The following GPATCH2 variants were observed in gnomAD, a reference collection of about 807,000 sequenced individuals.
GPATCH2 encodes G patch domain-containing protein 2.
GPATCH2 carries 51 observed loss-of-function variants against 58.0 expected under a neutral mutation model. The observed-to-expected ratio is 0.88, with a 90% CI of 0.70 to 1.11. The LOEUF is 1.11. Among genes scored for constraint, GPATCH2 ranks in the 50% most tolerant of loss-of-function variants. GPATCH2 has a pLI of 0.00. For missense variants in GPATCH2, 625 were observed against 652.2 expected, an observed-to-expected ratio of 0.96 and a Z score of 0.45; for synonymous variants, 222 against 218.5, an observed-to-expected ratio of 1.02 and a Z score of -0.14.
At position 217,449,306 on chromosome 1, in the gene GPATCH2, T is replaced by G. The variant is rs533976671; in HGVS notation, c.1309A>C (p.Thr437Pro). The G allele has an allele frequency of 1.2e-6, 2 of 1,608,362 alleles. No homozygotes were observed. Among genetic ancestry groups the G allele is most frequent in the Non-Finnish European group, 1.7e-6 (2 of 1,174,770 alleles). Residue 437 changes from threonine (T) to proline (P), a missense_variant, in exon 9 of 10, where the codon ACG becomes CCG. Physicochemically the swap from Thr to Pro is conservative, Grantham distance 38 (BLOSUM62 -1). Coordinates refer to ENST00000366935, the MANE Select transcript of GPATCH2 (RefSeq NM_018040.5). Reference protein sequence around the residue: ...QTSMHLGSLCTGDIKRRRKAA... With the variant: ...QTSMHLGSLCPGDIKRRRKAA... ...TTTCTTCTCCGTTTGATATCTCCCG[T>G]GCATAAGGATCCTAAATGCATGCTT...
intron 5 of GPATCH2, among the ~76,000 whole-genome samples, chr1:217,562,607 C>T (rs1269110856): frequency 6.6e-6 from 1 of 152,178 alleles, no homozygotes; most frequent in Admixed American, 6.5e-5. Flanking sequence ...TGTACATTTA[C>T]CAGTGGTCTA....
At position 217,610,345 on chromosome 1, in the gene GPATCH2, T is replaced by C; in HGVS notation, c.1074A>G (p.Lys358=). 6.2e-7 allele frequency: 1 copy of C among 1,600,264 alleles called. No individual in the cohort carries two copies. Among genetic ancestry groups the C allele is most frequent in the Non-Finnish European group, 8.6e-7 (1 of 1,168,090 alleles). ...CCATTGAAGTTGGAGTCCCTCCAGATTTTTTAATATTCTTTGAAGACATTC... is the reference window on the plus strand; with the variant it reads ...CCATTGAAGTTGGAGTCCCTCCAGACTTTTTAATATTCTTTGAAGACATTC... ...LHGMSSKNIK[K]SGGTPTSMVP... Residue 358 remains lysine (K), a synonymous_variant, in exon 5 of 10, where the codon AAA becomes AAG. Coordinates refer to ENST00000366935, the MANE Select transcript of GPATCH2 (RefSeq NM_018040.5).
At chr1:217,543,394 C>T (rs903754780) in intron 5 of GPATCH2, among the ~76,000 whole-genome samples, 5 of 151,774 alleles carry the variant, frequency 3.3e-5, no homozygotes, top group Non-Finnish European at 2.9e-5. Context: ...CTCAGCCTCC[C>T]GAGTAGCTGG....
At chr1:217,435,126 C>T (rs1244030388) in intron 9 of GPATCH2, among the ~76,000 whole-genome samples, 1 of 152,182 alleles carries the variant, frequency 6.6e-6, no homozygotes, top group Non-Finnish European at 1.5e-5. Flanking sequence ...ACAACTCAGC[C>T]TCAGCGCAGT....
intron 8 of GPATCH2, among the ~76,000 whole-genome samples, chr1:217,486,942 G>C (rs1661480390): frequency 1.3e-5 from 2 of 152,206 alleles, no homozygotes; most frequent in Non-Finnish European, 2.9e-5. Flanking sequence ...AAACAGCACT[G>C]TGAACTACTG....
rs557244080 is a variant in GPATCH2 at position 217,434,792 on chromosome 1, G to A, written c.1367-3427C>T. Among the ~76,000 whole-genome samples the A allele has an allele frequency of 4.6e-5, 7 of 152,192 alleles. No homozygotes were observed. In the South Asian group the frequency reaches 6.2e-4, roughly 14 times the overall value. The stretch of plus-strand genomic sequence containing the variant: ...TTGAAAAATGTTGGTATTTCAAGCA[G>A]GGTAGCCCAGGGGTGACCACCATAC... On this transcript the variant is annotated intron_variant, in intron 9 of 9. Transcript: ENST00000366935.
At chr1:217,565,991 C>A (rs979412184) in intron 5 of GPATCH2, among the ~76,000 whole-genome samples, 1 of 149,674 alleles carries the variant, frequency 6.7e-6, no homozygotes, top group African/African-American at 2.5e-5. Context: ...ATCCCAGCTA[C>A]TAGGGAGGCT....
intron 5 of GPATCH2, among the ~76,000 whole-genome samples, chr1:217,531,752 A>G (rs2102623791): frequency 6.6e-6 from 1 of 152,328 alleles, no homozygotes. Flanking sequence ...AAAATTGCTG[A>G]ATTATCTTCC....
intron 5 of GPATCH2, among the ~76,000 whole-genome samples, chr1:217,602,493 G>A (rs750105263): frequency 2.0e-5 from 3 of 152,098 alleles, no homozygotes; most frequent in Non-Finnish European, 2.9e-5. Context: ...GAGGGGAAAG[G>A]AATATAAGAA....
At chr1:217,535,201 T>C (rs967304602) in intron 5 of GPATCH2, among the ~76,000 whole-genome samples, 1 of 152,182 alleles carries the variant, frequency 6.6e-6, no homozygotes, top group South Asian at 2.1e-4. Context: ...CTGTTGCTGG[T>C]TTTTAGTTTC....
At chr1:217,444,357 G>A (rs1395641284) in intron 9 of GPATCH2, among the ~76,000 whole-genome samples, 1 of 152,178 alleles carries the variant, frequency 6.6e-6, no homozygotes, top group East Asian at 1.9e-4. Flanking sequence ...AGTAGTGTGA[G>A]TGAGTGTGGG....
intron 5 of GPATCH2, among the ~76,000 whole-genome samples, chr1:217,526,339 C>T (rs1048951977): frequency 2.0e-5 from 3 of 152,058 alleles, no homozygotes; most frequent in Non-Finnish European, 4.4e-5. Context: ...TTCAATCTTA[C>T]GTGATGCAGT....
chr1:217,568,913 T>C (rs1182163260), intron 5 of GPATCH2, among the ~76,000 whole-genome samples: 4 of 152,094 alleles, frequency 2.6e-5, no homozygotes, highest in Non-Finnish European at 4.4e-5. Flanking sequence ...AGAAAAGACA[T>C]GTAGTGGTGC....
rs550310776 is a variant in GPATCH2 at position 217,511,634 on chromosome 1, C to A, written c.1166+3188G>T. 1.5e-3 allele frequency among the ~76,000 whole-genome samples: 234 copies of A among 152,244 alleles called. 1 individual carries two copies. The highest frequency in any genetic ancestry group is 5.4e-3 in the South Asian group (26 of 4,820). Reference sequence around the variant, plus strand: ...GGAAGCATATAACTAAAACTCTCTGCCCAGAGTGGATACTGGCCATATACC... The same window carrying A: ...GGAAGCATATAACTAAAACTCTCTGACCAGAGTGGATACTGGCCATATACC... On this transcript the variant is annotated intron_variant, in intron 6 of 9. Transcript: ENST00000366935.
At chr1:217,474,255 T>C (rs1421286630) in intron 8 of GPATCH2, among the ~76,000 whole-genome samples, 3 of 152,192 alleles carry the variant, frequency 2.0e-5, no homozygotes, top group Non-Finnish European at 2.9e-5. Context: ...TGTCCATTAT[T>C]GATGAAGTAG....
rs567514156 is a variant in GPATCH2, at chr1:217,449,791, T to C, written c.1278-454A>G. On this transcript the variant is annotated intron_variant, in intron 8 of 9. Coordinates refer to ENST00000366935, the MANE Select transcript of GPATCH2 (RefSeq NM_018040.5). ...CGCAGCAGTGAATTCTCTTAAAACATTTTAAATAGAAGGAAATAGTGATGC... is the reference window on the plus strand; with the variant it reads ...CGCAGCAGTGAATTCTCTTAAAACACTTTAAATAGAAGGAAATAGTGATGC... 2.0e-4 allele frequency among the ~76,000 whole-genome samples: 31 copies of C among 152,332 alleles called. 1 individual carries two copies. The highest frequency in any genetic ancestry group is 7.2e-4 in the African/African-American group (30 of 41,578).
intron 8 of GPATCH2, among the ~76,000 whole-genome samples, chr1:217,457,554 A>C (rs570732041): frequency 4.6e-5 from 7 of 152,322 alleles, no homozygotes; most frequent in African/African-American, 1.4e-4. Context: ...TCACAGATGG[A>C]AGGCACTTTC....
At chr1:217,595,609 C>T (rs1016259551) in intron 5 of GPATCH2, among the ~76,000 whole-genome samples, 5 of 151,954 alleles carry the variant, frequency 3.3e-5, no homozygotes, top group African/African-American at 1.2e-4. Flanking sequence ...AAGAAATTCT[C>T]CTGCCTCAGC....
chr1:217,519,670 A>G (rs1663349984), intron 5 of GPATCH2, among the ~76,000 whole-genome samples: 1 of 152,198 alleles, frequency 6.6e-6, no homozygotes, highest in Non-Finnish European at 1.5e-5. Flanking sequence ...CTGAAAGTAA[A>G]ATGAAAATTA....
Sources: allele counts gnomAD v4.1 joint callset (sites outside exome capture counted in the v4.1 genomes callset), GRCh38; gene constraint gnomAD v4.1.1; transcripts MANE v1.5; gene names NCBI Gene and HGNC (gene_info 2026-07-23, HGNC 2026-07-21).